The following DIAPH3 variants were observed in gnomAD, a reference collection of about 807,000 sequenced individuals.
DIAPH3 encodes diaphanous related formin 3, also known as protein diaphanous homolog 3.
In DIAPH3, 117 loss-of-function variants were observed where a neutral mutation model predicts 144.3. That is an observed-to-expected ratio of 0.81 (90% CI 0.70 to 0.95). The LOEUF (loss-of-function observed/expected upper bound fraction) is 0.95. Ranked by LOEUF, DIAPH3 falls within the 40% of genes least tolerant of loss-of-function variation. The pLI, the probability that DIAPH3 is intolerant of heterozygous loss-of-function variation, is 0.00. For missense variants in DIAPH3, 1,421 were observed against 1,412.7 expected (o/e 1.01, Z -0.09); for synonymous variants, 519 against 488.9 (o/e 1.06, Z -0.81).
At chr13:60,042,663 C>T (rs1318052489) in intron 5 of DIAPH3, 27 bp downstream of exon 5, 2 of 1,612,794 alleles carry the variant, frequency 1.2e-6, no homozygotes, top group East Asian at 4.5e-5. Flanking sequence ...GACATCTGCC[C>T]TGTTGGTGTT....
chr13:59,906,461 A>G (rs779544477), intron 20 of DIAPH3, among the ~76,000 whole-genome samples: 12 of 152,238 alleles, frequency 7.9e-5, no homozygotes, highest in Non-Finnish European at 2.9e-5. Flanking sequence ...TCTACATTGT[A>G]TTCAATATTT....
chr13:59,679,012 TAG>T (rs1447483549), intron 27 of DIAPH3, among the ~76,000 whole-genome samples: 12 of 152,330 alleles, frequency 7.9e-5, no homozygotes, highest in Middle Eastern at 3.4e-3. Context: ...GTGCTGGTTG[TAG>T]AGTCCTCTGC....
chr13:59,970,299 T>G (rs188843790), intron 16 of DIAPH3, among the ~76,000 whole-genome samples: 1 of 152,232 alleles, frequency 6.6e-6, no homozygotes, highest in African/African-American at 2.4e-5. Flanking sequence ...TTAATTAGCT[T>G]CTTCTCAATT....
At chr13:59,926,062 T>C (rs1431648804) in intron 17 of DIAPH3, among the ~76,000 whole-genome samples, 2 of 152,308 alleles carry the variant, frequency 1.3e-5, no homozygotes, top group East Asian at 3.9e-4. Context: ...CACAGCTCAC[T>C]GCAACCTTGA....
At chr13:59,908,624 T>C (rs2046852234) in intron 20 of DIAPH3, among the ~76,000 whole-genome samples, 1 of 152,140 alleles carries the variant, frequency 6.6e-6, no homozygotes, top group South Asian at 2.1e-4. Context: ...GAATTTAATC[T>C]ACTGTCTCAA....
intron 17 of DIAPH3, among the ~76,000 whole-genome samples, chr13:59,962,509 T>C (rs1392956451): frequency 6.6e-6 from 1 of 152,132 alleles, no homozygotes; most frequent in South Asian, 2.1e-4. Flanking sequence ...AGCTTTTGAG[T>C]CCAGGCCACA....
chr13:60,007,796 T>C (rs1056923293), intron 9 of DIAPH3, among the ~76,000 whole-genome samples: 1 of 152,232 alleles, frequency 6.6e-6, no homozygotes, highest in Non-Finnish European at 1.5e-5. Flanking sequence ...TGTGTCTTTT[T>C]AGCAGTATTT....
intron 4 of DIAPH3, among the ~76,000 whole-genome samples, chr13:60,091,454 C>A (rs959137689): frequency 6.6e-6 from 1 of 152,156 alleles, no homozygotes; most frequent in African/African-American, 2.4e-5. Context: ...TATGCCACCA[C>A]ACCCAGCTAA....
intron 4 of DIAPH3, among the ~76,000 whole-genome samples, chr13:60,087,488 A>G (rs2057785876): frequency 6.6e-6 from 1 of 152,138 alleles, no homozygotes; most frequent in African/African-American, 2.4e-5. Flanking sequence ...CTCAATTTAG[A>G]CTCAGTTGTT....
intron 5 of DIAPH3, among the ~76,000 whole-genome samples, chr13:60,020,491 C>G (rs1350319991): frequency 3.3e-5 from 5 of 152,192 alleles, no homozygotes; most frequent in African/African-American, 1.2e-4. Context: ...CCTCAGCCTT[C>G]CTAGTAACTG....
At chr13:60,030,009 C>T (rs2054671062) in intron 5 of DIAPH3, among the ~76,000 whole-genome samples, 1 of 152,110 alleles carries the variant, frequency 6.6e-6, no homozygotes, top group Admixed American at 6.6e-5. Context: ...GTTTTTCCAC[C>T]TCATGTTCAG....
At chr13:59,824,283 TTTGA>T (rs1252539936) in intron 24 of DIAPH3, among the ~76,000 whole-genome samples, 1 of 152,158 alleles carries the variant, frequency 6.6e-6, no homozygotes, top group Non-Finnish European at 1.5e-5. Context: ...TGTTATGTAA[TTTGA>T]TTTTCAAAAA....
At chr13:59,853,573 G>T (rs984470439) in intron 22 of DIAPH3, among the ~76,000 whole-genome samples, 3 of 152,082 alleles carry the variant, frequency 2.0e-5, no homozygotes, top group Non-Finnish European at 4.4e-5. Context: ...TGCCATGATT[G>T]TAAGTTTTCT....
At chr13:59,851,404 C>A (rs1194679435) in intron 22 of DIAPH3, among the ~76,000 whole-genome samples, 1 of 152,168 alleles carries the variant, frequency 6.6e-6, no homozygotes, top group Non-Finnish European at 1.5e-5. Flanking sequence ...AGACCACTTT[C>A]TCTACAGGAC....
At chr13:60,087,027 T>C (rs2057769735) in intron 4 of DIAPH3, among the ~76,000 whole-genome samples, 2 of 152,176 alleles carry the variant, frequency 1.3e-5, no homozygotes, top group Admixed American at 6.6e-5. Flanking sequence ...CATCCTCCCA[T>C]ATACTTTAAA....
chr13:60,156,939 A>ATATATATATATATATT (rs1337230427), intron 1 of DIAPH3, among the ~76,000 whole-genome samples: 2 of 82,070 alleles, frequency 2.4e-5, no homozygotes, highest in South Asian at 3.8e-4. Flanking sequence ...ATATATATAT[A>ATATATATATATATATT]TTTTTTTTTT....
chr13:59,934,329 T>C (rs2048162108), intron 17 of DIAPH3, among the ~76,000 whole-genome samples: 2 of 152,180 alleles, frequency 1.3e-5, no homozygotes, highest in African/African-American at 4.8e-5. Context: ...TTAATGTTTA[T>C]AATAAATTAC....
intron 4 of DIAPH3, among the ~76,000 whole-genome samples, chr13:60,059,162 A>C (rs1446975202): frequency 4.6e-5 from 7 of 151,884 alleles, no homozygotes; most frequent in Non-Finnish European, 4.4e-5. Flanking sequence ...TGTTTTAAAA[A>C]AATTTATAAA....
chr13:59,886,353 A>G (rs2045449255), intron 20 of DIAPH3, among the ~76,000 whole-genome samples: 1 of 152,104 alleles, frequency 6.6e-6, no homozygotes, highest in African/African-American at 2.4e-5. Context: ...GCTTAGTTGT[A>G]TATCCTTAAG....
Sources: allele counts gnomAD v4.1 joint callset (sites outside exome capture counted in the v4.1 genomes callset), GRCh38; gene constraint gnomAD v4.1.1; transcripts MANE v1.5; gene names NCBI Gene and HGNC (gene_info 2026-07-23, HGNC 2026-07-21).